The following IL1RAPL1 variants were observed in gnomAD, a reference collection of about 807,000 sequenced individuals.
IL1RAPL1 encodes the protein interleukin-1 receptor accessory protein-like 1.
A neutral mutation model predicts 48.4 loss-of-function variants in IL1RAPL1; 3 were observed. That is an observed-to-expected ratio of 0.06 (90% CI 0.03 to 0.16). The LOEUF is 0.16. Among genes scored for constraint, IL1RAPL1 ranks in the 10% least tolerant of loss-of-function variants. The pLI, the probability that IL1RAPL1 is intolerant of heterozygous loss-of-function variation, is 1.00. For missense variants in IL1RAPL1, 349 were observed against 530.6 expected, an observed-to-expected ratio of 0.66 and a Z score of 3.36; for synonymous variants, 185 against 187.7, an observed-to-expected ratio of 0.99 and a Z score of 0.12.
At chrX:29,940,468 T>C (rs749395084) in intron 8 of IL1RAPL1, among the ~76,000 whole-genome samples, 1 of 111,950 alleles carries the variant, frequency 8.9e-6, no homozygotes, top group East Asian at 2.8e-4. Context: ...AAGAATAACA[T>C]TATTTTACAG....
chrX:29,580,718 A>G (rs1325263671), intron 5 of IL1RAPL1, among the ~76,000 whole-genome samples: 1 of 112,023 alleles, frequency 8.9e-6, no homozygotes, highest in Non-Finnish European at 1.9e-5. Context: ...GGTATGGTCT[A>G]GGAAGATGAC....
At chrX:29,066,417 T>C (rs995683987) in intron 2 of IL1RAPL1, among the ~76,000 whole-genome samples, 1 of 112,139 alleles carries the variant, frequency 8.9e-6, no homozygotes, top group African/African-American at 3.2e-5. Flanking sequence ...GACCAAGTTT[T>C]TGTACTACAT....
intron 2 of IL1RAPL1, among the ~76,000 whole-genome samples, chrX:28,919,433 T>C (rs1376801428): frequency 2.7e-5 from 3 of 112,192 alleles, no homozygotes; most frequent in Admixed American, 9.5e-5. Context: ...GCTTACGATA[T>C]ATGCTGGATT....
At chrX:29,306,609 TC>T (rs1932627316) in intron 3 of IL1RAPL1, among the ~76,000 whole-genome samples, 2 of 100,425 alleles carry the variant, frequency 2.0e-5, no homozygotes, top group African/African-American at 7.4e-5. Flanking sequence ...ATGCCTATAA[TC>T]CCAGCATTTT....
chrX:29,547,712 A>G (rs1005291914), intron 5 of IL1RAPL1, among the ~76,000 whole-genome samples: 8 of 112,186 alleles, frequency 7.1e-5, no homozygotes, highest in Admixed American at 3.8e-4. Flanking sequence ...GCATTTTAGT[A>G]AAGAGCACTA....
intron 2 of IL1RAPL1, among the ~76,000 whole-genome samples, chrX:29,131,057 A>G (rs751552674): frequency 8.9e-6 from 1 of 112,060 alleles, no homozygotes; most frequent in East Asian, 2.8e-4. Context: ...ACCGTGTTTT[A>G]CATGCATATT....
chrX:29,919,379 T>C (rs929797506), intron 7 of IL1RAPL1, among the ~76,000 whole-genome samples: 4 of 112,100 alleles, frequency 3.6e-5, no homozygotes, highest in Non-Finnish European at 7.5e-5. Flanking sequence ...GACAACGAGG[T>C]TAGTGAGCAT....
At chrX:29,050,656 T>G (rs1927073499) in intron 2 of IL1RAPL1, among the ~76,000 whole-genome samples, 1 of 112,321 alleles carries the variant, frequency 8.9e-6, no homozygotes, top group Admixed American at 9.4e-5. Flanking sequence ...TTTACTTAAC[T>G]GTTTGCCATT....
At chrX:29,868,928 T>C (rs1177027068) in intron 6 of IL1RAPL1, among the ~76,000 whole-genome samples, 1 of 111,904 alleles carries the variant, frequency 8.9e-6, no homozygotes, top group Non-Finnish European at 1.9e-5. Flanking sequence ...GGGTTAGATT[T>C]CCACTCAACC....
intron 6 of IL1RAPL1, among the ~76,000 whole-genome samples, chrX:29,872,208 A>G (rs1382805228): frequency 8.9e-6 from 1 of 111,940 alleles, no homozygotes; most frequent in Non-Finnish European, 1.9e-5. Context: ...TTAACAGGTT[A>G]TCCACTTGAC....
chrX:29,168,241 A>T (rs193131219), intron 2 of IL1RAPL1, among the ~76,000 whole-genome samples: 27 of 108,430 alleles, frequency 2.5e-4, no homozygotes, highest in Admixed American at 2.4e-3. Context: ...TTACATTGTT[A>T]TTTGCTATAG....
intron 3 of IL1RAPL1, among the ~76,000 whole-genome samples, chrX:29,288,597 T>C (rs1035570378): frequency 3.6e-5 from 4 of 112,233 alleles, no homozygotes; most frequent in African/African-American, 1.3e-4. Flanking sequence ...TTTTTGCTAT[T>C]GTGAGTAGTG....
At chrX:29,719,743 C>CAAAAAAAAAAAAAA (rs372308075) in intron 6 of IL1RAPL1, among the ~76,000 whole-genome samples, 1 of 21,880 alleles carries the variant, frequency 4.6e-5, no homozygotes, top group African/African-American at 1.3e-4. Flanking sequence ...GAAAGATGAG[C>CAAAAAAAAAAAAAA]AAAAAAAAAA....
intron 2 of IL1RAPL1, among the ~76,000 whole-genome samples, chrX:29,176,629 C>T (rs1004094665): frequency 3.6e-5 from 4 of 110,480 alleles, no homozygotes; most frequent in Non-Finnish European, 3.8e-5. Flanking sequence ...GATTTTTTTC[C>T]TCTCTAGCAA....
intron 2 of IL1RAPL1, among the ~76,000 whole-genome samples, chrX:28,857,519 A>G (rs914005275): frequency 1.1e-4 from 12 of 111,327 alleles, no homozygotes; most frequent in African/African-American, 3.6e-4. Context: ...GCAAATGGTC[A>G]TTTACCATTC....
chrX:29,343,758 T>TA (rs1399743301), intron 3 of IL1RAPL1, among the ~76,000 whole-genome samples: 3 of 111,249 alleles, frequency 2.7e-5, no homozygotes, highest in Non-Finnish European at 5.7e-5. Flanking sequence ...AAATCTCATA[T>TA]ATGTGTCTTT....
Position 29,160,010 on chromosome X carries a change from C to T in IL1RAPL1, c.83-122928C>T, listed in dbSNP as rs1426540054. On this transcript the variant is annotated intron_variant, in intron 2 of 10. Coordinates refer to ENST00000378993, the MANE Select transcript of IL1RAPL1 (RefSeq NM_014271.4). ...ATAGGTGTGAGCCACAGCACCCAGC[C>T]TCTTTTCTTCTTAAATAAGTCTTTC... 1.6e-4 allele frequency among the ~76,000 whole-genome samples: 18 copies of T among 112,021 alleles called. No homozygotes were observed. In the Admixed American group the frequency reaches 1.7e-3, roughly 11 times the overall value.
In IL1RAPL1 at chrX:29,844,903, T is replaced by C. The variant is rs113965119; in HGVS notation, c.779-72561T>C. 5.2e-3 allele frequency among the ~76,000 whole-genome samples: 577 copies of C among 111,852 alleles called. 3 individuals are homozygous for C. The highest frequency in any genetic ancestry group is 0.018 in the African/African-American group (556 of 30,830). On this transcript the variant is annotated intron_variant, in intron 6 of 10. Transcript: ENST00000378993. ...AGCTAAATTGAATTATAAGTGTCCT[T>C]ATAAGAGACAGAACAGGAGAAGCCA...
intron 5 of IL1RAPL1, among the ~76,000 whole-genome samples, chrX:29,642,787 CG>C (rs1299036307): frequency 3.6e-5 from 4 of 112,121 alleles, no homozygotes; most frequent in African/African-American, 1.3e-4. Context: ...TTATGTGCTA[CG>C]GCATGAGAAA....
Sources: gnomAD v4.1 joint callset for allele counts (sites outside exome capture counted in the v4.1 genomes callset) on GRCh38, gnomAD v4.1.1 for gene constraint, MANE v1.5 for transcripts, NCBI Gene and HGNC (gene_info 2026-07-23, HGNC 2026-07-21) for gene names.